Variants in TCF7L2 observed in about 807,000 individuals in gnomAD.
TCF7L2 encodes the protein transcription factor 7-like 2.
A neutral mutation model predicts 77.9 loss-of-function variants in TCF7L2; 23 were observed. That is an observed-to-expected ratio of 0.30 (90% CI 0.21 to 0.42). The LOEUF (loss-of-function observed/expected upper bound fraction) is 0.42. TCF7L2 is among the 10% of genes least tolerant of loss of function. The probability of loss-of-function intolerance (pLI) is 1.00; values close to 1 mark genes in which losing one functional copy is unlikely to be tolerated. For missense variants in TCF7L2, 654 were observed against 793.1 expected (o/e 0.82, Z 2.11); for synonymous variants, 413 against 340.2 (o/e 1.21, Z -2.36).
intron 5 of TCF7L2, among the ~76,000 whole-genome samples, chr10:113,137,468 A>C (rs2067598449): frequency 1.3e-5 from 2 of 152,204 alleles, no homozygotes; most frequent in Non-Finnish European, 2.9e-5. Context: ...GACAGAAAGG[A>C]AGTCTTGAGG....
chr10:113,072,412 T>C (rs1390971922), intron 5 of TCF7L2, among the ~76,000 whole-genome samples: 1 of 152,022 alleles, frequency 6.6e-6, no homozygotes, highest in Non-Finnish European at 1.5e-5. Flanking sequence ...TGGAGTACGG[T>C]GGTGGGATCT....
rs146527825 is a variant in TCF7L2, at chr10:113,025,300, G to A, written c.451-14725G>A. ...GTGCCCAGGCTGGAGTGCAAGTGGC[G>A]CGTTCTTGGCTCACTGCAATCTCCG... On this transcript the variant is annotated intron_variant, in intron 4 of 13. Transcript: ENST00000627217. Among the ~76,000 whole-genome samples, 284 of 150,250 alleles carry A rather than the reference G, an allele frequency of 1.9e-3. 2 individuals are homozygous for A. Among genetic ancestry groups the A allele is most frequent in the Middle Eastern group, 6.8e-3 (2 of 294 alleles).
At chr10:113,090,412 A>G (rs1037984606) in intron 5 of TCF7L2, among the ~76,000 whole-genome samples, 12 of 152,374 alleles carry the variant, frequency 7.9e-5, no homozygotes, top group Non-Finnish European at 1.5e-4. Context: ...AGGGACAGAA[A>G]GCAGTGCCTC....
At chr10:113,137,407 A>AACTCTGCGAG (rs2067585629) in intron 5 of TCF7L2, among the ~76,000 whole-genome samples, 2 of 152,338 alleles carry the variant, frequency 1.3e-5, no homozygotes, top group Admixed American at 1.3e-4. Context: ...GTTCTCATTC[A>AACTCTGCGAG]GTTTTCACAA....
chr10:113,141,732 G>A (rs2068417420), intron 6 of TCF7L2, among the ~76,000 whole-genome samples: 2 of 152,186 alleles, frequency 1.3e-5, no homozygotes, highest in African/African-American at 4.8e-5. Context: ...AGACAGCATG[G>A]CTTTCCAAGC....
chr10:112,953,535 G>T (rs2032624559), intron 3 of TCF7L2, among the ~76,000 whole-genome samples: 1 of 152,058 alleles, frequency 6.6e-6, no homozygotes, highest in Admixed American at 6.6e-5. Context: ...TCCCCCTTCC[G>T]ATGGAAACCT....
intron 5 of TCF7L2, among the ~76,000 whole-genome samples, chr10:113,095,112 T>C (rs983446579): frequency 6.6e-6 from 1 of 151,874 alleles, no homozygotes; most frequent in African/African-American, 2.4e-5. Context: ...TCTCAAAAAA[T>C]AAAAACAAAA....
intron 6 of TCF7L2, among the ~76,000 whole-genome samples, chr10:113,142,807 A>G (rs748615822): frequency 6.6e-6 from 1 of 152,216 alleles, no homozygotes; most frequent in Non-Finnish European, 1.5e-5. Context: ...ATCGTAAAAC[A>G]TATGATTAAC....
intron 12 of TCF7L2, among the ~76,000 whole-genome samples, 177 bp from the exon 14 acceptor site, chr10:113,159,743 C>T (rs529133920): frequency 2.0e-5 from 3 of 148,040 alleles, no homozygotes; most frequent in Non-Finnish European, 3.0e-5. Context: ...AGTTAAAAAA[C>T]GAAAGTCAAT....
At chr10:113,052,434 T>C (rs566641935) in intron 5 of TCF7L2, among the ~76,000 whole-genome samples, 1 of 152,348 alleles carries the variant, frequency 6.6e-6, no homozygotes, top group East Asian at 1.9e-4. Context: ...TTGAGCCCCC[T>C]ACTGGATCTA....
chr10:113,144,209 T>G (rs1829832796), intron 7 of TCF7L2, among the ~76,000 whole-genome samples, 184 bp downstream of exon 7: 2 of 151,756 alleles, frequency 1.3e-5, no homozygotes, highest in Non-Finnish European at 1.5e-5. Flanking sequence ...TGCTGAGGTG[T>G]CCTGTGGGAA....
intron 1 of TCF7L2, 122 bp from the exon 2 acceptor site, chr10:112,951,085 A>G: frequency 7.5e-7 from 1 of 1,327,564 alleles, no homozygotes; most frequent in Non-Finnish European, 1.0e-6. Context: ...CACCATTGCA[A>G]AAACTTGTAA....
At chr10:112,988,917 G>T (rs2042044011) in intron 4 of TCF7L2, among the ~76,000 whole-genome samples, 1 of 152,148 alleles carries the variant, frequency 6.6e-6, no homozygotes, top group East Asian at 1.9e-4. Flanking sequence ...CCGTTATACA[G>T]ATAAGAAAAC....
chr10:113,007,611 G>A (rs2045794421), intron 4 of TCF7L2, among the ~76,000 whole-genome samples: 1 of 152,210 alleles, frequency 6.6e-6, no homozygotes. Flanking sequence ...GAGTGATTCT[G>A]CCACATTTTC....
At chr10:112,959,357 A>G (rs1411653184) in intron 3 of TCF7L2, among the ~76,000 whole-genome samples, 3 of 152,342 alleles carry the variant, frequency 2.0e-5, no homozygotes, top group Middle Eastern at 3.4e-3. Context: ...GTGGATACGT[A>G]TAGAAGCTGT....
At chr10:113,112,118 A>G (rs898304397) in intron 5 of TCF7L2, among the ~76,000 whole-genome samples, 2 of 152,224 alleles carry the variant, frequency 1.3e-5, no homozygotes, top group Non-Finnish European at 2.9e-5. Flanking sequence ...CCAGCTCCAC[A>G]TGGCAGCAGG....
intron 5 of TCF7L2, among the ~76,000 whole-genome samples, chr10:113,138,120 C>T (rs2067697983): frequency 6.6e-6 from 1 of 152,144 alleles, no homozygotes; most frequent in Non-Finnish European, 1.5e-5. Context: ...AGAGGAAGTT[C>T]TGTTCTTTCA....
chr10:113,001,680 C>T (rs575675615), intron 4 of TCF7L2, among the ~76,000 whole-genome samples: 1 of 152,138 alleles, frequency 6.6e-6, no homozygotes, highest in African/African-American at 2.4e-5. Flanking sequence ...ATCATGCCCC[C>T]TAACACATAC....
intron 4 of TCF7L2, among the ~76,000 whole-genome samples, chr10:113,024,717 C>T (rs573318203): frequency 2.0e-5 from 3 of 147,954 alleles, no homozygotes; most frequent in Non-Finnish European, 3.0e-5. Context: ...CCTCCCAGGT[C>T]GAAACGATTC....
Sources: allele counts gnomAD v4.1 joint callset (sites outside exome capture counted in the v4.1 genomes callset), GRCh38; gene constraint gnomAD v4.1.1; transcripts MANE v1.5; gene names NCBI Gene and HGNC (gene_info 2026-07-23, HGNC 2026-07-21).